The following MACC1 variants were observed in gnomAD, a reference collection of about 807,000 sequenced individuals.
MACC1 encodes the protein MET transcriptional regulator MACC1.
MACC1 carries 79 observed loss-of-function variants against 70.7 expected under a neutral mutation model. The ratio of observed to expected loss-of-function variants is 1.12; its 90% CI spans 0.93 to 1.35. The LOEUF (loss-of-function observed/expected upper bound fraction) is 1.35. MACC1 is among the 40% of genes most tolerant of loss of function. The probability of loss-of-function intolerance (pLI) is 0.00; values close to 1 mark genes in which losing one functional copy is unlikely to be tolerated. For synonymous variants in MACC1, 361 were observed against 347.2 expected (o/e 1.04, Z -0.44); for missense variants, 1,106 against 978.1 (o/e 1.13, Z -1.74).
chr7:20,136,821 AAAGATT>A lies in MACC1; in HGVS notation c.*4119_*4124del, dbSNP rs1781724028. ...CGATTAAGGATTATTATTAATTCTT[AAAGATT>A]AAGATTATTATTAATTATTAATTGT... On this transcript the variant is annotated 3_prime_UTR_variant, in exon 7 of 7. Coordinates refer to ENST00000400331, the MANE Select transcript of MACC1 (RefSeq NM_182762.4). 6.6e-6 allele frequency: 1 copy of A among 150,538 alleles called. No homozygotes were observed. Among genetic ancestry groups the A allele is most frequent in the African/African-American group, 2.4e-5 (1 of 41,276 alleles). The allele number at this position is 150,538 out of a possible 1,614,324, so 9.3% of individuals were successfully genotyped here. A position where few individuals can be genotyped will look rare whatever the true frequency, so the allele number is the denominator to read the frequency against.
chr7:20,193,619 A>G (rs1562598715), intron 1 of MACC1, among the ~76,000 whole-genome samples: 1 of 152,184 alleles, frequency 6.6e-6, no homozygotes, highest in South Asian at 2.1e-4. Flanking sequence ...CACCCTGTCA[A>G]AGCTGTAGCT....
chr7:20,142,441 C>A (rs936420564), intron 6 of MACC1, among the ~76,000 whole-genome samples: 1 of 152,148 alleles, frequency 6.6e-6, no homozygotes, highest in African/African-American at 2.4e-5. Flanking sequence ...GAATAAAAGA[C>A]AATTATCAAA....
chr7:20,187,244 G>A (rs1782602811), intron 1 of MACC1, among the ~76,000 whole-genome samples: 1 of 152,126 alleles, frequency 6.6e-6, no homozygotes, highest in African/African-American at 2.4e-5. Flanking sequence ...TACATAGAGA[G>A]GACAATAGTA....
chr7:20,206,559 C>G (rs1252641844), intron 1 of MACC1, among the ~76,000 whole-genome samples: 1 of 152,178 alleles, frequency 6.6e-6, no homozygotes, highest in African/African-American at 2.4e-5. Flanking sequence ...GAGCAGCACC[C>G]TGAGCACCCT....
intron 1 of MACC1, among the ~76,000 whole-genome samples, chr7:20,175,654 T>C (rs1008527121): frequency 6.6e-6 from 1 of 152,050 alleles, no homozygotes; most frequent in Non-Finnish European, 1.5e-5. Context: ...CCAAGAAAAA[T>C]TTTAGGTAAC....
At chr7:20,172,979 T>C (rs1297995006) in intron 1 of MACC1, among the ~76,000 whole-genome samples, 1 of 152,222 alleles carries the variant, frequency 6.6e-6, no homozygotes, top group East Asian at 1.9e-4. Flanking sequence ...TTAGGAGTTT[T>C]GTCCTGTTCT....
chr7:20,154,762 C>T (rs1442469984), intron 5 of MACC1, among the ~76,000 whole-genome samples: 1 of 152,104 alleles, frequency 6.6e-6, no homozygotes, highest in Non-Finnish European at 1.5e-5. Flanking sequence ...GTTATTTACT[C>T]ACAAGAAATA....
At chr7:20,156,758 T>C (rs1238864450) in intron 5 of MACC1, among the ~76,000 whole-genome samples, 1 of 152,198 alleles carries the variant, frequency 6.6e-6, no homozygotes, top group Non-Finnish European at 1.5e-5. Flanking sequence ...GAAAGAGAGA[T>C]AATGTTATAT....
chr7:20,164,421 T>A (rs898260054), intron 2 of MACC1, 22 bp from the exon 3 acceptor site: 1 of 151,292 alleles, frequency 6.6e-6, no homozygotes, highest in Non-Finnish European at 1.5e-5. Context: ...AAAGAAAAAA[T>A]TAAAACAAGA....
At chr7:20,193,411 G>A (rs1782701190) in intron 1 of MACC1, among the ~76,000 whole-genome samples, 1 of 152,178 alleles carries the variant, frequency 6.6e-6, no homozygotes. Flanking sequence ...GTATAAAAAT[G>A]TATATATTAC....
intron 1 of MACC1, among the ~76,000 whole-genome samples, chr7:20,193,042 T>C (rs1302643328): frequency 6.6e-6 from 1 of 152,196 alleles, no homozygotes; most frequent in African/African-American, 2.4e-5. Flanking sequence ...TGTTGCCAAG[T>C]GGTATAAACT....
intron 1 of MACC1, among the ~76,000 whole-genome samples, chr7:20,172,055 G>C (rs527324972): frequency 4.6e-5 from 7 of 152,160 alleles, no homozygotes. Flanking sequence ...TATTCTGAGG[G>C]AAATACTGAG....
At chr7:20,162,898 T>G (rs1782159453) in intron 3 of MACC1, among the ~76,000 whole-genome samples, 1 of 152,126 alleles carries the variant, frequency 6.6e-6, no homozygotes, top group African/African-American at 2.4e-5. Flanking sequence ...GCACACACAC[T>G]TATGCAATAT....
Position 20,140,927 on chromosome 7 carries a change from A to G in MACC1, c.*19T>C. ...CCATTACCTCATTTTCCCTCCCATC[A>G]AAAACACACGCTTTGTTTCTATACT... is the stretch of plus-strand genomic sequence containing the variant. On this transcript the variant is annotated 3_prime_UTR_variant, in exon 7 of 7. Coordinates refer to ENST00000400331, the MANE Select transcript of MACC1 (RefSeq NM_182762.4). 6.3e-7 allele frequency: 1 copy of G among 1,594,874 alleles called. No homozygotes were observed. The highest frequency in any genetic ancestry group is 8.6e-7 in the Non-Finnish European group (1 of 1,166,818).
rs1317684938 is a variant in MACC1 at position 20,158,721 on chromosome 7, G to A, written c.1640C>T (p.Thr547Ile). Residue 547 changes from threonine (T) to isoleucine (I), a missense_variant, in exon 5 of 7, where the codon ACA becomes ATA. Physicochemically the swap from Thr to Ile is moderately conservative, Grantham distance 89. Transcript: ENST00000400331. Reference protein sequence around the residue: ...LVKYPTFQDKTLNFSNYGVTL... With the variant: ...LVKYPTFQDKILNFSNYGVTL... ...TACCCCATAGTTGCTAAAGTTCAAT[G>A]TTTTATCTTGAAATGTAGGATATTT... 5.0e-6 allele frequency: 8 copies of A among 1,613,756 alleles called. No homozygotes were observed. In the African/African-American group the frequency reaches 9.3e-5, roughly 19 times the overall value.
chr7:20,213,836 T>C (rs1017322758), intron 1 of MACC1, among the ~76,000 whole-genome samples: 3 of 152,088 alleles, frequency 2.0e-5, no homozygotes, highest in Admixed American at 1.3e-4. Flanking sequence ...TGAAATAATC[T>C]GTACAACGAA....
In MACC1 at chr7:20,158,804, G is replaced by T; in HGVS notation, c.1557C>A (p.Gly519=). Residue 519 remains glycine, a synonymous_variant, in exon 5 of 7, where the codon GGC becomes GGA. Transcript: ENST00000400331. ...TGATTTCCTCCTTCTTCTGCAAATA[G>T]CCTGGCAGATTCGAGAGTCTTTTTA... is the stretch of plus-strand genomic sequence containing the variant. The part of the protein sequence containing the change: ...PNLKRLSNLP[G]YLQKKEEIKS... The T allele has an allele frequency of 6.2e-7, 1 of 1,614,102 alleles. No homozygotes were observed. The highest frequency in any genetic ancestry group is 8.5e-7 in the Non-Finnish European group (1 of 1,180,020).
At chr7:20,174,097 A>T (rs2128104908) in intron 1 of MACC1, among the ~76,000 whole-genome samples, 1 of 152,288 alleles carries the variant, frequency 6.6e-6, no homozygotes, top group African/African-American at 2.4e-5. Context: ...AATCACAGGG[A>T]CTTTCTCAAT....
intron 3 of MACC1, 146 bp from the exon 4 acceptor site, chr7:20,162,016 C>T (rs998306124): frequency 1.9e-6 from 1 of 528,424 alleles, no homozygotes; most frequent in Non-Finnish European, 3.4e-6. Context: ...GTAGGATACT[C>T]GACTAGATAT....
Sources: gnomAD v4.1 joint callset for allele counts (sites outside exome capture counted in the v4.1 genomes callset) on GRCh38, gnomAD v4.1.1 for gene constraint, MANE v1.5 for transcripts, NCBI Gene and HGNC (gene_info 2026-07-23, HGNC 2026-07-21) for gene names.